Variants in RALGPS1 observed in about 807,000 individuals in gnomAD.
RALGPS1 encodes Ral GEF with PH domain and SH3 binding motif 1, also known as ras-specific guanine nucleotide-releasing factor RalGPS1.
A neutral mutation model predicts 78.8 loss-of-function variants in RALGPS1; 19 were observed. That is an observed-to-expected ratio of 0.24 (90% CI 0.17 to 0.35). The LOEUF (loss-of-function observed/expected upper bound fraction) is 0.35, where lower values mean the gene tolerates loss of function less well. RALGPS1 is among the 10% of genes least tolerant of loss of function. The probability of loss-of-function intolerance (pLI) is 1.00; values close to 1 mark genes in which losing one functional copy is unlikely to be tolerated. For missense variants in RALGPS1, 454 were observed against 688.3 expected (o/e 0.66, Z 3.81); for synonymous variants, 228 against 256.3 (o/e 0.89, Z 1.06).
chr9:127,174,662 T>G, intron 10 of RALGPS1, 53 bp from the exon 11 acceptor site: 2 of 1,517,998 alleles, frequency 1.3e-6, no homozygotes, highest in Non-Finnish European at 1.8e-6. Flanking sequence ...CCAAACAGGT[T>G]CCTGTGTGGT....
At chr9:127,200,406 GGAAAACAAGGCTCA>G in intron 14 of RALGPS1, among the ~76,000 whole-genome samples, 1 of 152,202 alleles carries the variant, frequency 6.6e-6, no homozygotes, top group Non-Finnish European at 1.5e-5. Context: ...TTATACATGT[GGAAAACAAGGCTCA>G]GAGAGGTAAA....
intron 8 of RALGPS1, among the ~76,000 whole-genome samples, chr9:127,097,076 TCCTTAGAA>T (rs2053214416): frequency 1.3e-5 from 2 of 152,218 alleles, no homozygotes; most frequent in Admixed American, 6.5e-5. Flanking sequence ...TAGCTCTGTG[TCCTTAGAA>T]CTAATGTTAA....
chr9:126,970,537 G>T (rs1003217475), intron 3 of RALGPS1, among the ~76,000 whole-genome samples: 2 of 152,200 alleles, frequency 1.3e-5, no homozygotes, highest in South Asian at 2.1e-4. Context: ...ATGATGCTGC[G>T]TACCTAAGAA....
chr9:127,008,802 G>A (rs986970041), intron 4 of RALGPS1, among the ~76,000 whole-genome samples: 1 of 152,202 alleles, frequency 6.6e-6, no homozygotes, highest in Non-Finnish European at 1.5e-5. Context: ...TATTGGGAGA[G>A]TTCATGTATA....
At chr9:127,125,554 C>G (rs1028687189) in intron 8 of RALGPS1, among the ~76,000 whole-genome samples, 1 of 152,224 alleles carries the variant, frequency 6.6e-6, no homozygotes, top group African/African-American at 2.4e-5. Flanking sequence ...GCCCTGCGCC[C>G]GGCTGCAGCA....
At chr9:127,173,169 C>G (rs1383314554) in intron 10 of RALGPS1, among the ~76,000 whole-genome samples, 1 of 152,172 alleles carries the variant, frequency 6.6e-6, no homozygotes, top group African/African-American at 2.4e-5. Flanking sequence ...GGCAAAAGGC[C>G]TATGTTGGAG....
chr9:127,139,541 T>A (rs1325277389), intron 8 of RALGPS1, among the ~76,000 whole-genome samples: 1 of 152,226 alleles, frequency 6.6e-6, no homozygotes, highest in Non-Finnish European at 1.5e-5. Context: ...TGCCTTGGGC[T>A]CTGTGCATAG....
At chr9:127,017,145 A>G (rs1292463477) in intron 4 of RALGPS1, among the ~76,000 whole-genome samples, 1 of 152,222 alleles carries the variant, frequency 6.6e-6, no homozygotes, top group Non-Finnish European at 1.5e-5. Context: ...TCACTTAAAG[A>G]TGGGATGCAT....
intron 1 of RALGPS1, among the ~76,000 whole-genome samples, chr9:126,950,089 G>C (rs1462093649): frequency 1.3e-5 from 2 of 151,794 alleles, no homozygotes; most frequent in Non-Finnish European, 2.9e-5. Context: ...CCCATTGCTT[G>C]TTTTTCTCAG....
At chr9:127,005,730 A>G (rs928215070) in intron 4 of RALGPS1, among the ~76,000 whole-genome samples, 3 of 152,224 alleles carry the variant, frequency 2.0e-5, no homozygotes, top group Non-Finnish European at 4.4e-5. Flanking sequence ...AAACAGAGAA[A>G]GAGGAATTCA....
intron 4 of RALGPS1, chr9:126,990,086 G>A (rs780044717): frequency 3.9e-4 from 570 of 1,457,110 alleles, no homozygotes; most frequent in Non-Finnish European, 5.1e-4. Flanking sequence ...GTTGGACGTC[G>A]GACAAACCCT....
intron 14 of RALGPS1, chr9:127,210,641 G>A: frequency 7.3e-7 from 1 of 1,375,290 alleles, no homozygotes; most frequent in Non-Finnish European, 1.0e-6. Context: ...GCCTCCTTCA[G>A]GAGCATCTGG....
intron 8 of RALGPS1, among the ~76,000 whole-genome samples, chr9:127,149,565 C>G (rs1433991937): frequency 1.3e-5 from 2 of 152,232 alleles, no homozygotes; most frequent in Non-Finnish European, 2.9e-5. Flanking sequence ...ACATCTGCCC[C>G]CTCTGAGGGC....
chr9:127,158,023 A>T (rs1031195916), intron 8 of RALGPS1, among the ~76,000 whole-genome samples: 3 of 152,070 alleles, frequency 2.0e-5, no homozygotes, highest in African/African-American at 7.2e-5. Flanking sequence ...TTTTATTTGG[A>T]ATCCCTGCAT....
intron 8 of RALGPS1, among the ~76,000 whole-genome samples, chr9:127,158,902 C>T (rs2058851775): frequency 6.6e-6 from 1 of 151,170 alleles, no homozygotes; most frequent in Admixed American, 6.6e-5. Context: ...TTTGTTTTTA[C>T]CCATGGGACA....
chr9:127,094,013 G>A, intron 8 of RALGPS1: 1 of 1,472,212 alleles, frequency 6.8e-7, no homozygotes, highest in Non-Finnish European at 9.2e-7. Context: ...CACAACCTCT[G>A]TTGAGGCTCC....
intron 4 of RALGPS1, among the ~76,000 whole-genome samples, chr9:127,033,723 A>T (rs1362489413): frequency 1.3e-5 from 2 of 152,160 alleles, no homozygotes; most frequent in Admixed American, 1.3e-4. Context: ...AAGTAATCCC[A>T]TTAGATTGCT....
chr9:127,134,068 A>G (rs2057223466), intron 8 of RALGPS1, among the ~76,000 whole-genome samples: 2 of 151,970 alleles, frequency 1.3e-5, no homozygotes, highest in Non-Finnish European at 2.9e-5. Context: ...AAGAAAGAAA[A>G]TATTCACGGC....
intron 4 of RALGPS1, among the ~76,000 whole-genome samples, chr9:127,001,086 T>TACAAAACAAAACAAAACAAA (rs60748253): frequency 1.0e-4 from 14 of 137,602 alleles, no homozygotes; most frequent in Non-Finnish European, 1.6e-4. Flanking sequence ...ACTCTGTCTC[T>TACAAAACAAAACAAAACAAA]ACAAAACAAA....
Sources: allele counts gnomAD v4.1 joint callset (sites outside exome capture counted in the v4.1 genomes callset), GRCh38; gene constraint gnomAD v4.1.1; transcripts MANE v1.5; gene names NCBI Gene and HGNC (gene_info 2026-07-23, HGNC 2026-07-21).